The following GARIN2 variants were observed in gnomAD, a reference collection of about 807,000 sequenced individuals.
The protein encoded by GARIN2 is golgi associated RAB2 interactor family member 2.
the GARIN2 span, among the ~76,000 whole-genome samples, chr14:67,212,558 T>G: frequency 7.5e-6 from 1 of 133,240 alleles, no homozygotes; most frequent in South Asian, 2.2e-4. Context: ...GCCACTGCAC[T>G]CCAGCCTGGG....
chr14:67,196,171 A>G, the GARIN2 span, among the ~76,000 whole-genome samples: 4 of 151,306 alleles, frequency 2.6e-5, no homozygotes, highest in East Asian at 1.9e-4. Flanking sequence ...GCCTCTGACA[A>G]GTTTCATACT....
At chr14:67,223,336 C>G in the GARIN2 span, among the ~76,000 whole-genome samples, 2 of 152,226 alleles carry the variant, frequency 1.3e-5, no homozygotes, top group East Asian at 1.9e-4. Flanking sequence ...ATGAGATGAA[C>G]TTCACTGTAA....
At chr14:67,213,321 C>A in the GARIN2 span, among the ~76,000 whole-genome samples, 1 of 115,016 alleles carries the variant, frequency 8.7e-6, no homozygotes, top group Admixed American at 1.0e-4. Flanking sequence ...CCCCTCCCCC[C>A]ACCCCACAAC....
At chr14:67,199,877 A>G in the GARIN2 span, 11 of 1,491,970 alleles carry the variant, frequency 7.4e-6, no homozygotes, top group Admixed American at 2.3e-5. Context: ...GCTGCAGGAC[A>G]TGGCCCCCCA....
chr14:67,200,063 C>A, the GARIN2 span: 1 of 950,850 alleles, frequency 1.1e-6, no homozygotes, highest in African/African-American at 1.6e-5. Flanking sequence ...CAGCCACCAC[C>A]CCAACCACCA....
the GARIN2 span, among the ~76,000 whole-genome samples, chr14:67,219,785 G>T: frequency 6.6e-6 from 1 of 152,008 alleles, no homozygotes; most frequent in Non-Finnish European, 1.5e-5. Context: ...AGCTCCCTAC[G>T]CCATTTATCA....
At chr14:67,202,485 A>G in the GARIN2 span, among the ~76,000 whole-genome samples, 1 of 152,158 alleles carries the variant, frequency 6.6e-6, no homozygotes, top group East Asian at 1.9e-4. Flanking sequence ...AACTTACATT[A>G]TATCTAAAAT....
At chr14:67,222,096 A>G in the GARIN2 span, 77 of 341,082 alleles carry the variant, frequency 2.3e-4, no homozygotes, top group African/African-American at 1.4e-3. Context: ...TAAATCATCA[A>G]GCATAAACCA....
the GARIN2 span, among the ~76,000 whole-genome samples, chr14:67,196,426 A>C: frequency 6.6e-6 from 1 of 151,354 alleles, no homozygotes; most frequent in Non-Finnish European, 1.5e-5. Context: ...GACGTTGGCC[A>C]GGCCAGGCTG....
the GARIN2 span, among the ~76,000 whole-genome samples, chr14:67,209,140 C>G: frequency 6.6e-6 from 1 of 152,160 alleles, no homozygotes; most frequent in Non-Finnish European, 1.5e-5. Flanking sequence ...TTACGTGATT[C>G]ACTCAAAAAT....
At chr14:67,217,115 A>T in the GARIN2 span, among the ~76,000 whole-genome samples, 1 of 151,806 alleles carries the variant, frequency 6.6e-6, no homozygotes, top group Non-Finnish European at 1.5e-5. Flanking sequence ...TACAATTGTT[A>T]TATCTTCACG....
chr14:67,189,998 G>A, the GARIN2 span, among the ~76,000 whole-genome samples: 37,224 of 149,060 alleles, frequency 0.25, 9,369 homozygotes, highest in African/African-American at 0.62. Flanking sequence ...GTGCCATCAC[G>A]CCCAGCTAAT....
At chr14:67,195,806 C>T in the GARIN2 span, among the ~76,000 whole-genome samples, 204 of 151,662 alleles carry the variant, frequency 1.3e-3, 4 homozygotes, top group East Asian at 0.023. Context: ...TGCAGTGGCA[C>T]GATCTCAGCT....
the GARIN2 span, chr14:67,228,287 T>C: frequency 3.5e-6 from 1 of 286,754 alleles, no homozygotes; most frequent in Non-Finnish European, 5.2e-6. Flanking sequence ...AGTTGTAGTA[T>C]AAATATAATT....
chr14:67,198,949 C>T, the GARIN2 span: 1 of 701,676 alleles, frequency 1.4e-6, no homozygotes, highest in African/African-American at 1.7e-5. Context: ...GAGCTATTAC[C>T]TCTAACTCTT....
At chr14:67,206,922 G>A in the GARIN2 span, among the ~76,000 whole-genome samples, 4 of 151,906 alleles carry the variant, frequency 2.6e-5, no homozygotes, top group Non-Finnish European at 5.9e-5. Flanking sequence ...TAGAGATGGG[G>A]TTTCTCCATG....
the GARIN2 span, among the ~76,000 whole-genome samples, chr14:67,206,051 G>A: frequency 6.6e-6 from 1 of 152,140 alleles, no homozygotes; most frequent in African/African-American, 2.4e-5. Context: ...GGCCATGGTG[G>A]TGTATGCCTG....
chr14:67,221,880 A>T, the GARIN2 span: 1 of 1,577,494 alleles, frequency 6.3e-7, no homozygotes, highest in Admixed American at 1.8e-5. Context: ...TTCCTAGAAG[A>T]GTAGTGTGGC....
At chr14:67,220,717 A>G in the GARIN2 span, among the ~76,000 whole-genome samples, 1 of 151,994 alleles carries the variant, frequency 6.6e-6, no homozygotes, top group Non-Finnish European at 1.5e-5. Context: ...ATTTGCATCT[A>G]TTTTTCAAGG....
Sources: gnomAD v4.1 joint callset for allele counts (sites outside exome capture counted in the v4.1 genomes callset) on GRCh38, gnomAD v4.1.1 for gene constraint, MANE v1.5 for transcripts, NCBI Gene and HGNC (gene_info 2026-07-23, HGNC 2026-07-21) for gene names.